DLEC1: variants seen among roughly 807,000 people sequenced by gnomAD.
DLEC1 encodes DLEC1 cilia and flagella associated protein.
Under a neutral mutation model 198.1 loss-of-function variants are expected in DLEC1, and 146 were observed. The observed-to-expected ratio is 0.74, with a 90% CI of 0.64 to 0.85. The LOEUF (loss-of-function observed/expected upper bound fraction) is 0.85. DLEC1 is among the 40% of genes least tolerant of loss of function. The pLI is 0.00. For synonymous variants in DLEC1, 897 were observed against 866.8 expected (o/e 1.03, Z -0.61); for missense variants, 2,233 against 2,220.0 (o/e 1.01, Z -0.12).
intron 33 of DLEC1, among the ~76,000 whole-genome samples, chr3:38,119,313 C>T (rs1700337199): frequency 6.6e-6 from 1 of 152,112 alleles, no homozygotes; most frequent in Non-Finnish European, 1.5e-5. Flanking sequence ...TCCTGCCCCA[C>T]ATCTGTGCCT....
rs1426332260 is a variant in DLEC1, at chr3:38,062,311, C to T, written c.816C>T (p.Asp272=). The T allele has an allele frequency of 6.2e-7, 1 of 1,614,096 alleles. No homozygotes were observed. The highest frequency in any genetic ancestry group is 8.5e-7 in the Non-Finnish European group (1 of 1,180,048). Residue 272 remains aspartate (D), a synonymous_variant, in exon 4 of 37, where the codon GAC becomes GAT. Coordinates refer to ENST00000308059, the MANE Select transcript of DLEC1 (RefSeq NM_007335.4). The part of the protein sequence containing the change: ...EFEDELDHTV[D]SLTWNLTPKA... The stretch of plus-strand genomic sequence containing the variant: ...AAGATGAGTTAGACCACACTGTGGA[C>T]AGCCTGACATGGAATTTAACTCCTA...
At position 38,062,786 on chromosome 3, in the gene DLEC1, C is replaced by T. The variant is rs1259255424; in HGVS notation, c.1079C>T (p.Thr360Ile). The change falls in exon 5 of 37, where the codon ACA becomes ATA. Residue 360 changes from threonine (T) to isoleucine (I), a missense_variant. Coordinates refer to ENST00000308059, the MANE Select transcript of DLEC1 (RefSeq NM_007335.4). ...GCACCGATAGGAGAATTCCAGAGTA[C>T]AGAGCCAGAACAGAGGTATGTCTTT... ...KPAPIGEFQSTEPEQSCADTP... is the reference protein window; with the variant it reads ...KPAPIGEFQSIEPEQSCADTP... 6.2e-7 allele frequency: 1 copy of T among 1,613,720 alleles called. No homozygotes were observed. Among genetic ancestry groups the T allele is most frequent in the Non-Finnish European group, 8.5e-7 (1 of 1,179,924 alleles).
rs1414893055 is a variant in DLEC1, at chr3:38,117,757, AG to A, written c.4486-48del. 3.1e-6 allele frequency: 5 copies of A among 1,609,010 alleles called. No individual in the cohort carries two copies. In the Admixed American group the frequency reaches 8.3e-5, roughly 27 times the overall value. On this transcript the variant is annotated intron_variant, in intron 32 of 36. Coordinates refer to ENST00000308059, the MANE Select transcript of DLEC1 (RefSeq NM_007335.4). Reference sequence around the variant, plus strand: ...CCCTACCCTAGAGCCATGGGGTTGAAGAGAGAGACAAGATGCATTCCCTGCC... The same window carrying A: ...CCCTACCCTAGAGCCATGGGGTTGAAAGAGAGACAAGATGCATTCCCTGCC...
Position 38,117,009 on chromosome 3 carries a change from T to C in DLEC1, c.4214T>C (p.Ile1405Thr). 4 of 1,613,924 alleles carry C rather than the reference T, an allele frequency of 2.5e-6. No homozygotes were observed. The highest frequency in any genetic ancestry group is 3.3e-5 in the Admixed American group (2 of 60,008). Reference sequence around the variant, plus strand: ...GCTGGGGGCAGCAGTACCATCTACATCTCCTTCACCCCTATGGTGCTCAGC... The same window carrying C: ...GCTGGGGGCAGCAGTACCATCTACACCTCCTTCACCCCTATGGTGCTCAGC... ...VPAGGSSTIY[I>T]SFTPMVLSPE... The change falls in exon 30 of 37, where the codon ATC becomes ACC. Residue 1405 changes from isoleucine (I) to threonine (T), a missense_variant. Ile to Thr is a moderately conservative substitution (Grantham distance 89). Transcript: ENST00000308059.
chr3:38,109,239 A>G (rs1699730706), intron 21 of DLEC1, among the ~76,000 whole-genome samples, 193 bp from the exon 22 acceptor site: 1 of 152,240 alleles, frequency 6.6e-6, no homozygotes, highest in Non-Finnish European at 1.5e-5. Flanking sequence ...TCAGACAGCC[A>G]TAAGGCCTGA....
At chr3:38,090,836 T>C (rs1559437463) in intron 10 of DLEC1, among the ~76,000 whole-genome samples, 1 of 152,210 alleles carries the variant, frequency 6.6e-6, no homozygotes, top group Non-Finnish European at 1.5e-5. Flanking sequence ...TATACAAAAA[T>C]AGAGAGAATA....
chr3:38,095,737 A>G, intron 13 of DLEC1, 151 bp from the exon 14 acceptor site: 1 of 852,522 alleles, frequency 1.2e-6, no homozygotes, highest in Non-Finnish European at 1.9e-6. Flanking sequence ...TAAGGAGGGG[A>G]GGAGGCAGCA....
Position 38,039,444 on chromosome 3 carries a change from G to A in DLEC1, c.219G>A (p.Gln73=), listed in dbSNP as rs443225. The A allele has an allele frequency of 1.2e-6, 2 of 1,613,810 alleles. No individual in the cohort carries two copies. The highest frequency in any genetic ancestry group is 2.2e-5 in the South Asian group (2 of 91,074). The part of the protein sequence containing the change: ...PRRLTQLALA[Q]RPEPQLLRLR... Reference sequence around the variant, plus strand: ...GCCTCACGCAGCTTGCGCTGGCGCAGCGTCCCGAGCCTCAGCTGCTTCGTC... The same window carrying A: ...GCCTCACGCAGCTTGCGCTGGCGCAACGTCCCGAGCCTCAGCTGCTTCGTC... The change falls in exon 1 of 37, where the codon CAG becomes CAA. Residue 73 remains glutamine, a synonymous_variant. Transcript: ENST00000308059.
chr3:38,100,439 G>A lies in DLEC1; in HGVS notation c.2864+14G>A. The A allele has an allele frequency of 1.2e-6, 2 of 1,604,462 alleles. No individual in the cohort carries two copies. Among genetic ancestry groups the A allele is most frequent in the Non-Finnish European group, 1.7e-6 (2 of 1,176,088 alleles). ...TGGTGCCTGGAGGTAAGGGTGCCGT[G>A]GGAAGAGCCACTACAACAAACTATG... is the stretch of plus-strand genomic sequence containing the variant. On this transcript the variant is annotated intron_variant, in intron 19 of 36. Coordinates refer to ENST00000308059, the MANE Select transcript of DLEC1 (RefSeq NM_007335.4).
chr3:38,088,860 T>C (rs1464853531), intron 10 of DLEC1, among the ~76,000 whole-genome samples: 1 of 152,176 alleles, frequency 6.6e-6, no homozygotes, highest in Admixed American at 6.5e-5. Context: ...GCAGAAGCTC[T>C]CAGTGGTCTG....
At chr3:38,100,197 G>A in intron 18 of DLEC1, 89 bp from the exon 19 acceptor site, 2 of 1,469,358 alleles carry the variant, frequency 1.4e-6, no homozygotes, top group Non-Finnish European at 1.8e-6. Context: ...CAGCTTAGGA[G>A]TGACTTTGGT....
In DLEC1 at chr3:38,097,592, A is replaced by G; in HGVS notation, c.2520A>G (p.Glu840=). The G allele has an allele frequency of 6.2e-7, 1 of 1,614,146 alleles. No homozygotes were observed. Among genetic ancestry groups the G allele is most frequent in the Non-Finnish European group, 8.5e-7 (1 of 1,180,018 alleles). Residue 840 remains glutamate, a synonymous_variant, in exon 17 of 37, where the codon GAA becomes GAG. Transcript: ENST00000308059. ...GCCAGGACCTGCTGTGTGAAATCGA[A>G]GACTCGCCCTCGCCAGTGGTGTTAC... ...PTSQDLLCEI[E]DSPSPVVLHI...
intron 1 of DLEC1, among the ~76,000 whole-genome samples, chr3:38,042,285 G>C (rs1042495286): frequency 6.6e-6 from 1 of 152,032 alleles, no homozygotes; most frequent in East Asian, 1.9e-4. Flanking sequence ...GTGCCACTGC[G>C]CCTGGCCCGC....
chr3:38,095,581 C>T (rs989711748), intron 13 of DLEC1: 13 of 366,780 alleles, frequency 3.5e-5, no homozygotes, highest in African/African-American at 2.7e-4. Flanking sequence ...CCAGCTGCCT[C>T]GTTGTCTATC....
intron 2 of DLEC1, among the ~76,000 whole-genome samples, chr3:38,058,562 TTTAA>T (rs1345957981): frequency 6.6e-6 from 1 of 152,252 alleles, no homozygotes; most frequent in African/African-American, 2.4e-5. Flanking sequence ...CTGTTTTTTC[TTTAA>T]TTTTTATCAA....
rs1471737971 is a variant in DLEC1 at position 38,121,567 on chromosome 3, G to A, written c.4867-61G>A. 2.6e-6 allele frequency: 4 copies of A among 1,566,994 alleles called. No homozygotes were observed. In the Admixed American group the frequency reaches 7.2e-5, roughly 28 times the overall value. On this transcript the variant is annotated intron_variant, in intron 34 of 36. Coordinates refer to ENST00000308059, the MANE Select transcript of DLEC1 (RefSeq NM_007335.4). ...ACTTGGGGTCAGCAGGGTTCTGTGT[G>A]TCCCAGAGGCCCTGGCTCAGAGCCC... is the stretch of plus-strand genomic sequence containing the variant.
intron 19 of DLEC1, among the ~76,000 whole-genome samples, chr3:38,100,648 GGTGT>G (rs1386288473): frequency 6.6e-6 from 1 of 152,018 alleles, no homozygotes; most frequent in Non-Finnish European, 1.5e-5. Flanking sequence ...ATCTTTCTAG[GGTGT>G]GTGTATTAAA....
intron 19 of DLEC1, 24 bp from the exon 20 acceptor site, chr3:38,107,560 G>T: frequency 6.4e-7 from 1 of 1,568,600 alleles, no homozygotes; most frequent in Non-Finnish European, 8.7e-7. Context: ...TAATCAGTAT[G>T]CCTTTTGTTT....
Position 38,116,990 on chromosome 3 carries a change from G to T in DLEC1, c.4195G>T (p.Gly1399Cys). ...SPKQVVVPAGGSSTIYISFTP... is the reference protein window; with the variant it reads ...SPKQVVVPAGCSSTIYISFTP... ...TCTATGCCAGGTGGTCCCTGCTGGG[G>T]GCAGCAGTACCATCTACATCTCCTT... is the stretch of plus-strand genomic sequence containing the variant. Residue 1399 changes from glycine (G) to cysteine (C), a missense_variant, in exon 30 of 37, where the codon GGC (glycine) becomes TGC (cysteine). By Grantham distance (159) the Gly-to-Cys change is radical. Coordinates refer to ENST00000308059, the MANE Select transcript of DLEC1 (RefSeq NM_007335.4). The T allele has an allele frequency of 6.2e-7, 1 of 1,613,896 alleles. No individual in the cohort carries two copies. The highest frequency in any genetic ancestry group is 2.2e-5 in the East Asian group (1 of 44,884).
Sources: allele counts gnomAD v4.1 joint callset (sites outside exome capture counted in the v4.1 genomes callset), GRCh38; gene constraint gnomAD v4.1.1; transcripts MANE v1.5; gene names NCBI Gene and HGNC (gene_info 2026-07-23, HGNC 2026-07-21).